The following C1orf87 variants were observed in gnomAD, a reference collection of about 807,000 sequenced individuals.
The protein encoded by C1orf87 is uncharacterized protein C1orf87.
In C1orf87, 58 loss-of-function variants were observed where a neutral mutation model predicts 60.5. The ratio of observed to expected loss-of-function variants is 0.96; its 90% CI spans 0.78 to 1.19. The LOEUF (loss-of-function observed/expected upper bound fraction) is 1.19, where lower values mean the gene tolerates loss of function less well. C1orf87 is among the 50% of genes most tolerant of loss of function. The probability of loss-of-function intolerance (pLI) is 0.00; values close to 1 mark genes in which losing one functional copy is unlikely to be tolerated. For synonymous variants in C1orf87, 236 were observed against 227.4 expected, an observed-to-expected ratio of 1.04 and a Z score of -0.34; for missense variants, 673 against 638.6, an observed-to-expected ratio of 1.05 and a Z score of -0.58.
chr1:60,071,670 G>A (rs937350306), intron 2 of C1orf87, among the ~76,000 whole-genome samples: 1 of 152,174 alleles, frequency 6.6e-6, no homozygotes, highest in African/African-American at 2.4e-5. Flanking sequence ...TTTTGATTCA[G>A]CAGACCTTGA....
chr1:59,997,537 G>T (rs601184), intron 11 of C1orf87, 72 bp downstream of exon 11: 3 of 1,434,026 alleles, frequency 2.1e-6, no homozygotes, highest in Non-Finnish European at 1.9e-6. Context: ...AGAGGCAAAA[G>T]AAAATGAGGT....
intron 2 of C1orf87, among the ~76,000 whole-genome samples, chr1:60,069,246 G>A (rs946709759): frequency 6.6e-6 from 1 of 152,194 alleles, no homozygotes; most frequent in African/African-American, 2.4e-5. Flanking sequence ...GGAGAATGGG[G>A]CTTCTCAAAC....
rs140702543 is a variant in C1orf87 at position 60,011,819 on chromosome 1, G to T, written c.1128-1363C>A. Among the ~76,000 whole-genome samples the T allele has an allele frequency of 2.7e-3, 415 of 152,170 alleles. 2 individuals carry two copies. The highest frequency in any genetic ancestry group is 0.017 in the South Asian group (81 of 4,824). ...TCCTATATATGACATAACATTTAGA[G>T]AAATTATTTGGTCAGGGTAAGTATC... On this transcript the variant is annotated intron_variant, in intron 8 of 11. Coordinates refer to ENST00000371201, the MANE Select transcript of C1orf87 (RefSeq NM_152377.3).
At chr1:60,001,286 G>T in intron 9 of C1orf87, 130 bp from the exon 10 acceptor site, 1 of 611,242 alleles carries the variant, frequency 1.6e-6, no homozygotes, top group Non-Finnish European at 2.6e-6. Flanking sequence ...TTGGCACTGT[G>T]TTAGGTAATG....
chr1:60,020,579 C>T (rs1364410643), intron 8 of C1orf87, among the ~76,000 whole-genome samples: 2 of 152,176 alleles, frequency 1.3e-5, no homozygotes, highest in Non-Finnish European at 1.5e-5. Flanking sequence ...TTTGGACTTG[C>T]ATGGGGTCTG....
At position 60,033,528 on chromosome 1, in the gene C1orf87, A is replaced by C; in HGVS notation, c.977T>G (p.Leu326Arg). ...NGRLNIDNLN[L>R]SFRKEDRSFS... ...CGAGCGATCTTCTTTTCGAAAACTC[A>C]GATTGAGATTGTCTATGTTGAGTCT... Residue 326 changes from leucine (L) to arginine (R), a missense_variant, in exon 7 of 12, where the codon CTG becomes CGG. Transcript: ENST00000371201. 1 of 1,613,964 alleles carries C rather than the reference A, an allele frequency of 6.2e-7. No homozygotes were observed. The highest frequency in any genetic ancestry group is 8.5e-7 in the Non-Finnish European group (1 of 1,179,924).
intron 9 of C1orf87, among the ~76,000 whole-genome samples, chr1:60,003,499 G>C (rs180788983): frequency 6.6e-6 from 1 of 151,932 alleles, no homozygotes. Flanking sequence ...AAAAAAGAAA[G>C]TGTAAAGCAA....
intron 8 of C1orf87, chr1:60,010,935 C>A (rs1436231559): frequency 1.3e-5 from 2 of 151,872 alleles, no homozygotes; most frequent in Non-Finnish European, 2.9e-5. Context: ...GTGCCACTGG[C>A]CTCTCACCAC....
intron 2 of C1orf87, among the ~76,000 whole-genome samples, chr1:60,057,522 C>A (rs1262981595): frequency 6.6e-6 from 1 of 152,116 alleles, no homozygotes; most frequent in Non-Finnish European, 1.5e-5. Flanking sequence ...GCCAGTTGAA[C>A]TGCAGAAAAG....
chr1:60,064,797 T>G lies in C1orf87; in HGVS notation c.107+7740A>C, dbSNP rs11799866. ...TTAATATATAAATATATATTAAATA[T>G]ATAATTATATTTAATATATATAAAT... On this transcript the variant is annotated intron_variant, in intron 2 of 11. Coordinates refer to ENST00000371201, the MANE Select transcript of C1orf87 (RefSeq NM_152377.3). Among the ~76,000 whole-genome samples, 796 of 93,558 alleles carry G rather than the reference T, an allele frequency of 8.5e-3. 15 individuals carry two copies. Among genetic ancestry groups the G allele is most frequent in the African/African-American group, 0.033 (758 of 22,862 alleles). The allele number at this position is 93,558 out of a possible 152,430, so 61.4% of individuals were successfully genotyped here.
Position 60,001,063 on chromosome 1 carries a change from C to T in C1orf87, c.1272+14G>A. On this transcript the variant is annotated intron_variant, in intron 10 of 11. Transcript: ENST00000371201. ...AAAACCTTCCCCCAAACTCTATATA[C>T]CCCAGGTGCATACCATATGTTCAGT... 1 of 1,601,356 alleles carries T rather than the reference C, an allele frequency of 6.2e-7. No homozygotes were observed. Among genetic ancestry groups the T allele is most frequent in the Non-Finnish European group, 8.5e-7 (1 of 1,170,194 alleles).
At chr1:60,025,794 G>T (rs1645194796) in intron 7 of C1orf87, among the ~76,000 whole-genome samples, 1 of 152,160 alleles carries the variant, frequency 6.6e-6, no homozygotes, top group South Asian at 2.1e-4. Flanking sequence ...TATCAGCCAT[G>T]GAAGGGGTAG....
At chr1:59,994,709 C>G (rs116657458) in intron 11 of C1orf87, among the ~76,000 whole-genome samples, 1,665 of 152,160 alleles carry the variant, frequency 0.011, 42 homozygotes, top group African/African-American at 0.038. Context: ...GTTGACAACC[C>G]CCATTAGAGA....
intron 2 of C1orf87, among the ~76,000 whole-genome samples, chr1:60,064,776 T>C (rs1450968718): frequency 1.6e-4 from 15 of 94,380 alleles, no homozygotes; most frequent in Non-Finnish European, 2.2e-4. Context: ...TTATATTTAA[T>C]ATATAAATAT....
At chr1:60,021,917 G>A (rs548308646) in intron 8 of C1orf87, among the ~76,000 whole-genome samples, 2 of 152,166 alleles carry the variant, frequency 1.3e-5, no homozygotes, top group South Asian at 4.2e-4. Context: ...AGAAAGTGAG[G>A]GAGTTAGCAT....
In C1orf87 at chr1:60,055,357, T is replaced by C. The variant is rs776461013; in HGVS notation, c.189A>G (p.Arg63=). 6.2e-7 allele frequency: 1 copy of C among 1,614,190 alleles called. No individual in the cohort carries two copies. Among genetic ancestry groups the C allele is most frequent in the Non-Finnish European group, 8.5e-7 (1 of 1,180,022 alleles). ...TGAAGTTAATGGGAACTGGGGTGTC[T>C]CTGCTCATCTGCCTTGCATTATCAG... The part of the protein sequence containing the change: ...PMTDNARQMS[R]DTPVPINFTD... Residue 63 remains arginine (R), a synonymous_variant, in exon 3 of 12, where the codon AGA becomes AGG. Transcript: ENST00000371201.
At chr1:60,062,455 A>T (rs1557480720) in intron 2 of C1orf87, among the ~76,000 whole-genome samples, 1 of 152,206 alleles carries the variant, frequency 6.6e-6, no homozygotes, top group African/African-American at 2.4e-5. Flanking sequence ...ACTTTAAAAA[A>T]CACAGTATCA....
rs994420570 is a variant in C1orf87, at chr1:60,006,599, G to A, written c.1192+3793C>T. Reference sequence around the variant, plus strand: ...ACTGGAACTCTGCTCTTTGCTTTCTGCATCCTCTTCTTCTTCTCTCTTGTT... The same window carrying A: ...ACTGGAACTCTGCTCTTTGCTTTCTACATCCTCTTCTTCTTCTCTCTTGTT... On this transcript the variant is annotated intron_variant, in intron 9 of 11. Coordinates refer to ENST00000371201, the MANE Select transcript of C1orf87 (RefSeq NM_152377.3). Among the ~76,000 whole-genome samples the A allele has an allele frequency of 2.1e-5, 3 of 146,196 alleles. No homozygotes were observed. In the South Asian group the frequency reaches 6.3e-4, roughly 31 times the overall value.
chr1:60,020,046 T>A (rs898875615), intron 8 of C1orf87, among the ~76,000 whole-genome samples: 2 of 152,148 alleles, frequency 1.3e-5, no homozygotes, highest in Non-Finnish European at 1.5e-5. Context: ...TTTGCATAAG[T>A]GATGAGGAGC....
Sources: allele counts gnomAD v4.1 joint callset (sites outside exome capture counted in the v4.1 genomes callset), GRCh38; gene constraint gnomAD v4.1.1; transcripts MANE v1.5; gene names NCBI Gene and HGNC (gene_info 2026-07-23, HGNC 2026-07-21).